DIP2B: variants seen among roughly 807,000 people sequenced by gnomAD.
The protein encoded by DIP2B is DIP2 acetate--CoA ligase B (putative).
DIP2B carries 76 observed loss-of-function variants against 198.0 expected under a neutral mutation model. The ratio of observed to expected loss-of-function variants is 0.38; its 90% confidence interval spans 0.32 to 0.46. DIP2B has a LOEUF of 0.46. Among genes scored for constraint, DIP2B ranks in the 20% least tolerant of loss-of-function variants. DIP2B has a pLI of 0.99. For missense variants in DIP2B, 1,559 were observed against 1,978.4 expected, an observed-to-expected ratio of 0.79 and a Z score of 4.02; for synonymous variants, 701 against 739.1, an observed-to-expected ratio of 0.95 and a Z score of 0.84.
At chr12:50,660,082 C>A in intron 3 of DIP2B, 112 bp from the exon 4 acceptor site, 3 of 1,043,696 alleles carry the variant, frequency 2.9e-6, no homozygotes, top group Non-Finnish European at 1.3e-6. Flanking sequence ...TCTGAACGTC[C>A]CCTTTACCTT....
chr12:50,606,394 T>C (rs1408359321), intron 1 of DIP2B, among the ~76,000 whole-genome samples: 3 of 152,230 alleles, frequency 2.0e-5, no homozygotes, highest in Admixed American at 2.0e-4. Flanking sequence ...AGTGCTAGGA[T>C]TACCAGCATG....
At position 50,513,547 on chromosome 12, in the gene DIP2B, C is replaced by T. The variant is rs149020981; in HGVS notation, c.100+8307C>T. 3.1e-3 allele frequency among the ~76,000 whole-genome samples: 470 copies of T among 152,336 alleles called. 2 individuals carry two copies. Among genetic ancestry groups the T allele is most frequent in the African/African-American group, 0.011 (451 of 41,576 alleles). On this transcript the variant is annotated intron_variant, in intron 1 of 37. Coordinates refer to ENST00000301180, the MANE Select transcript of DIP2B (RefSeq NM_173602.3). ...CCGTTTCATATCCCTCACTTGTCCT[C>T]AGTGAACATATCCTTCCTTTTAGTT...
intron 1 of DIP2B, among the ~76,000 whole-genome samples, chr12:50,538,777 A>G (rs188828740): frequency 2.6e-5 from 4 of 152,316 alleles, no homozygotes; most frequent in Non-Finnish European, 1.5e-5. Flanking sequence ...TATTAAGTAA[A>G]TATTATTTAC....
intron 1 of DIP2B, among the ~76,000 whole-genome samples, chr12:50,563,656 T>G (rs554908835): frequency 6.6e-6 from 1 of 152,092 alleles, no homozygotes; most frequent in East Asian, 1.9e-4. Flanking sequence ...CCACCATACC[T>G]GGCTAATTTT....
intron 1 of DIP2B, among the ~76,000 whole-genome samples, chr12:50,532,233 G>T (rs1005199045): frequency 7.2e-5 from 11 of 152,176 alleles, no homozygotes; most frequent in African/African-American, 2.4e-4. Flanking sequence ...TAAGAGTGTT[G>T]GCCGGGTGCG....
At chr12:50,551,409 C>T (rs999571571) in intron 1 of DIP2B, among the ~76,000 whole-genome samples, 3 of 151,940 alleles carry the variant, frequency 2.0e-5, no homozygotes, top group Non-Finnish European at 4.4e-5. Flanking sequence ...GGCAACAGAG[C>T]GAGACTCCAT....
At chr12:50,540,937 G>A (rs138413297) in intron 1 of DIP2B, among the ~76,000 whole-genome samples, 6 of 151,276 alleles carry the variant, frequency 4.0e-5, no homozygotes, top group African/African-American at 7.3e-5. Context: ...ATGAGGTAGC[G>A]CAGAATCTCT....
chr12:50,573,099 G>C (rs1465095501), intron 1 of DIP2B, among the ~76,000 whole-genome samples: 3 of 152,174 alleles, frequency 2.0e-5, no homozygotes, highest in South Asian at 4.1e-4. Flanking sequence ...GAACTAAATG[G>C]TTAAGTATCC....
At chr12:50,676,379 G>C (rs1193489714) in intron 7 of DIP2B, among the ~76,000 whole-genome samples, 2 of 152,178 alleles carry the variant, frequency 1.3e-5, no homozygotes, top group African/African-American at 4.8e-5. Flanking sequence ...TCTGGTCTTA[G>C]CCCAATTTAT....
chr12:50,519,312 G>A (rs1958094711), intron 1 of DIP2B, among the ~76,000 whole-genome samples: 2 of 151,942 alleles, frequency 1.3e-5, no homozygotes, highest in African/African-American at 4.8e-5. Context: ...TATTGCCCAG[G>A]TTCGCCTTAA....
chr12:50,612,017 A>G (rs1959036416), intron 1 of DIP2B, among the ~76,000 whole-genome samples: 2 of 152,040 alleles, frequency 1.3e-5, no homozygotes, highest in African/African-American at 4.8e-5. Context: ...AAGAAAAAAA[A>G]AAAAAAGCAG....
Position 50,745,206 on chromosome 12 carries a change from A to G in DIP2B, c.*367A>G, listed in dbSNP as rs1940325885. 1.5e-5 allele frequency: 4 copies of G among 271,308 alleles called. No homozygotes were observed. Among genetic ancestry groups the G allele is most frequent in the Non-Finnish European group, 2.2e-5 (3 of 138,124 alleles). The allele number at this position is 271,308 out of a possible 1,614,324, so 16.8% of individuals were successfully genotyped here. ...ACATGAAAGGGGTAGTCTGAGTGAC[A>G]CAGTTCCCCACTCCGTACTGTATTT... On this transcript the variant is annotated 3_prime_UTR_variant, in exon 38 of 38. Transcript: ENST00000301180.
chr12:50,690,476 A>G (rs769311883), intron 12 of DIP2B, among the ~76,000 whole-genome samples: 1 of 152,208 alleles, frequency 6.6e-6, no homozygotes, highest in African/African-American at 2.4e-5. Flanking sequence ...GCTTGAGCCC[A>G]GGAGTTCCAA....
chr12:50,523,083 A>G (rs1958134786), intron 1 of DIP2B, among the ~76,000 whole-genome samples: 1 of 152,214 alleles, frequency 6.6e-6, no homozygotes, highest in Non-Finnish European at 1.5e-5. Context: ...AACTTTAAAG[A>G]TATAAAAGCA....
chr12:50,614,847 CAGTGGCAGTATTCTCCTTA>C (rs1937667749), intron 1 of DIP2B, among the ~76,000 whole-genome samples: 3 of 152,310 alleles, frequency 2.0e-5, no homozygotes, highest in African/African-American at 7.2e-5. Flanking sequence ...CATGCTGTGG[CAGTGGCAGTATTCTCCTTA>C]CTTGTGTTTT....
intron 22 of DIP2B, among the ~76,000 whole-genome samples, chr12:50,711,769 A>T (rs1050160550): frequency 2.7e-4 from 41 of 152,172 alleles, no homozygotes; most frequent in Non-Finnish European, 5.9e-5. Flanking sequence ...CACGCTGGCC[A>T]GGCTGGTCTC....
intron 1 of DIP2B, among the ~76,000 whole-genome samples, chr12:50,546,848 A>G (rs553020174): frequency 9.2e-5 from 14 of 152,340 alleles, no homozygotes; most frequent in African/African-American, 3.1e-4. Context: ...CAGTAAAGAA[A>G]GAAAAATAAA....
chr12:50,734,346 A>G (rs1181403943), intron 33 of DIP2B, 150 bp downstream of exon 33: 36 of 728,222 alleles, frequency 4.9e-5, no homozygotes, highest in Non-Finnish European at 1.4e-5. Context: ...TATCATTAAT[A>G]CATAAGATTT....
chr12:50,659,670 G>A (rs1938611654), intron 3 of DIP2B, among the ~76,000 whole-genome samples: 1 of 152,076 alleles, frequency 6.6e-6, no homozygotes, highest in South Asian at 2.1e-4. Flanking sequence ...ATTAACATCT[G>A]CCCTTATGTT....
Sources: allele counts gnomAD v4.1 joint callset (sites outside exome capture counted in the v4.1 genomes callset), GRCh38; gene constraint gnomAD v4.1.1; transcripts MANE v1.5; gene names NCBI Gene and HGNC (gene_info 2026-07-23, HGNC 2026-07-21).